Variants in ZNF423 observed in about 807,000 individuals in gnomAD.
The protein encoded by ZNF423 is Ebf-associated zinc finger protein.
A neutral mutation model predicts 95.8 loss-of-function variants in ZNF423; 12 were observed. The observed-to-expected ratio is 0.13, with a 90% confidence interval of 0.08 to 0.20. The LOEUF is 0.20. ZNF423 is among the 10% of genes least tolerant of loss of function. The pLI, the probability that ZNF423 is intolerant of heterozygous loss-of-function variation, is 1.00. For missense variants in ZNF423, 1,316 were observed against 1,737.1 expected (o/e 0.76, Z 4.31); for synonymous variants, 749 against 711.9 (o/e 1.05, Z -0.83).
In ZNF423 at chr16:49,707,625, A is replaced by AC. The variant is rs1466664485; in HGVS notation, c.301+23145_301+23146insG. Among the ~76,000 whole-genome samples, 5 of 151,726 alleles carry AC rather than the reference A, an allele frequency of 3.3e-5. No homozygotes were observed. In the South Asian group the frequency reaches 8.3e-4, roughly 25 times the overall value. ...GAGTGAGACTGTCTCAAAAAAAAAA[A>AC]AAAAAACAAAGAGCACTTTCCCTAC... On this transcript the variant is annotated intron_variant, in intron 3 of 7. Transcript: ENST00000563137.
At chr16:49,667,728 A>G (rs1325449089) in intron 3 of ZNF423, among the ~76,000 whole-genome samples, 1 of 152,166 alleles carries the variant, frequency 6.6e-6, no homozygotes. Flanking sequence ...CAAAAAATTA[A>G]AAAATAATTT....
intron 1 of ZNF423, chr16:49,854,091 T>C (rs768620620): frequency 2.0e-6 from 2 of 985,358 alleles, no homozygotes; most frequent in Non-Finnish European, 2.4e-6. Context: ...TCCACCCTTC[T>C]TTCCCGTCCT....
intron 3 of ZNF423, among the ~76,000 whole-genome samples, chr16:49,699,599 T>C (rs2032100189): frequency 6.6e-6 from 1 of 152,226 alleles, no homozygotes; most frequent in African/African-American, 2.4e-5. Flanking sequence ...AATCTAAGTT[T>C]GTCATGTCCT....
chr16:49,690,763 G>T (rs1015897688), intron 3 of ZNF423, among the ~76,000 whole-genome samples: 1 of 152,150 alleles, frequency 6.6e-6, no homozygotes, highest in Non-Finnish European at 1.5e-5. Flanking sequence ...CCCTATAGGG[G>T]CACACAGAGA....
At chr16:49,549,764 A>G (rs1969570764) in intron 5 of ZNF423, among the ~76,000 whole-genome samples, 1 of 152,216 alleles carries the variant, frequency 6.6e-6, no homozygotes, top group East Asian at 1.9e-4. Context: ...GAGATTATGT[A>G]ACTTGCTCAA....
At chr16:49,770,083 C>G (rs757219760) in intron 2 of ZNF423, among the ~76,000 whole-genome samples, 3 of 152,132 alleles carry the variant, frequency 2.0e-5, no homozygotes, top group Non-Finnish European at 2.9e-5. Flanking sequence ...TGCCATCTCC[C>G]CACAAGACTG....
chr16:49,782,961 TAAA>T (rs767807245), intron 2 of ZNF423, among the ~76,000 whole-genome samples: 6 of 117,008 alleles, frequency 5.1e-5, no homozygotes, highest in Admixed American at 8.9e-5. Flanking sequence ...CTGTCTCAAT[TAAA>T]AAAAAAAAAA....
At chr16:49,536,996 ATAT>A (rs1255997120) in intron 5 of ZNF423, among the ~76,000 whole-genome samples, 1 of 152,244 alleles carries the variant, frequency 6.6e-6, no homozygotes, top group Non-Finnish European at 1.5e-5. Flanking sequence ...TGAGTGTCAA[ATAT>A]TATGAAGAAC....
At chr16:49,667,398 AG>A (rs1325472132) in intron 3 of ZNF423, among the ~76,000 whole-genome samples, 1 of 152,228 alleles carries the variant, frequency 6.6e-6, no homozygotes, top group Non-Finnish European at 1.5e-5. Context: ...CCCCCGAGTG[AG>A]GAAGGGGAGA....
intron 3 of ZNF423, among the ~76,000 whole-genome samples, chr16:49,726,853 TAGCAA>T (rs2033028761): frequency 4.8e-5 from 1 of 20,848 alleles, no homozygotes; most frequent in Non-Finnish European, 8.6e-5. Context: ...GAGTTCCCCC[TAGCAA>T]AAAAAAAAAA....
In ZNF423 at chr16:49,822,811, G is replaced by A. The variant is rs111362834; in HGVS notation, c.40+32924C>T. On this transcript the variant is annotated intron_variant, in intron 1 of 7. Coordinates refer to ENST00000563137, the MANE Select transcript of ZNF423 (RefSeq NM_001379286.1). ...GCAATCTCCTGGTGAAATAACACTT[G>A]TATACCCATTTGACAGATGAGCAAA... The A allele has an allele frequency of 5.8e-6, 7 of 1,197,378 alleles. 1 individual carries two copies. In the African/African-American group the frequency reaches 9.3e-5, roughly 16 times the overall value. 74.2% of individuals were successfully genotyped at this position (1,197,378 alleles called of 1,614,324 possible).
intron 3 of ZNF423, among the ~76,000 whole-genome samples, chr16:49,672,710 C>T (rs530512421): frequency 7.2e-5 from 11 of 152,082 alleles, no homozygotes; most frequent in South Asian, 2.1e-4. Flanking sequence ...CAGCTACTCG[C>T]GAGGCTGAGG....
chr16:49,688,543 G>C (rs557359245), intron 3 of ZNF423, among the ~76,000 whole-genome samples: 1 of 152,314 alleles, frequency 6.6e-6, no homozygotes, highest in African/African-American at 2.4e-5. Flanking sequence ...ATGAGGCTTA[G>C]GTCTTCCTAA....
rs5816652 is a variant in ZNF423, at chr16:49,653,311, CAA to C, written c.302-14439_302-14438del. 4.0e-4 allele frequency among the ~76,000 whole-genome samples: 40 copies of C among 99,156 alleles called. 1 individual carries two copies. Among genetic ancestry groups the C allele is most frequent in the Middle Eastern group, 5.8e-3 (1 of 172 alleles). The allele number at this position is 99,156 out of a possible 152,430, so 65.1% of individuals were successfully genotyped here. ...ATCTCCTTCCCTCCCCAAGAACCAC[CAA>C]AAAAAAAAAAAAAAAAAAGAATTCA... On this transcript the variant is annotated intron_variant, in intron 3 of 7. Transcript: ENST00000563137.
At position 49,638,528 on chromosome 16, in the gene ZNF423, G is replaced by A; in HGVS notation, c.648C>T (p.His216=). The A allele has an allele frequency of 6.2e-7, 1 of 1,613,864 alleles. No individual in the cohort carries two copies. The highest frequency in any genetic ancestry group is 8.5e-7 in the Non-Finnish European group (1 of 1,180,030). ...TGTGGGTCTTCAGGTGGATCTTGAG[G>A]TGGTCGCTGCGGGAGAAGGCTGCCT... ...ECEAAFSRSD[H]LKIHLKTHSS... is the part of the protein sequence containing the mutation. Residue 216 remains histidine, a synonymous_variant, in exon 4 of 8, where the codon CAC becomes CAT. Coordinates refer to ENST00000563137, the MANE Select transcript of ZNF423 (RefSeq NM_001379286.1). The surrounding 1 kb of genome is among the most constrained non-coding windows in gnomAD (Gnocchi z 5.6).
At chr16:49,607,415 G>C (rs1413289544) in intron 5 of ZNF423, among the ~76,000 whole-genome samples, 1 of 152,130 alleles carries the variant, frequency 6.6e-6, no homozygotes, top group African/African-American at 2.4e-5. Context: ...CCAAAGCTAT[G>C]GGTTCTTTAC....
rs369662414 is a variant in ZNF423, at chr16:49,638,045, G to A, written c.1131C>T (p.Ser377=). The A allele has an allele frequency of 3.7e-4, 598 of 1,613,944 alleles. 4 individuals are homozygous for A. The South Asian group carries it at 5.9e-3, about 16-fold the overall frequency. Residue 377 remains serine (S), a synonymous_variant, in exon 4 of 8, where the codon AGC becomes AGT. Transcript: ENST00000563137. The surrounding 1 kb of genome is among the most constrained non-coding windows in gnomAD (Gnocchi z 5.6). ...CAGAGGCGCTGGAGTCGGGTGTGGC[G>A]CTGCTCATGGAGGCCACGCTGCCCA... ...PVLGSVASMS[S]ATPDSSASVE... is the part of the protein sequence containing the mutation.
At chr16:49,783,779 G>T (rs2034260596) in intron 2 of ZNF423, among the ~76,000 whole-genome samples, 1 of 151,938 alleles carries the variant, frequency 6.6e-6, no homozygotes, top group African/African-American at 2.4e-5. Flanking sequence ...AGATCATCCT[G>T]GCCAACATGG....
chr16:49,603,979 T>C lies in ZNF423; in HGVS notation c.3601+22191A>G, dbSNP rs746938166. ...AGAAATCTCCAAAGCCAAGCCCTGA[T>C]ACAGGGAGAAGCTTTTGATAGCAGG... On this transcript the variant is annotated intron_variant, in intron 5 of 7. Coordinates refer to ENST00000563137, the MANE Select transcript of ZNF423 (RefSeq NM_001379286.1). The surrounding 1 kb of genome is among the most constrained non-coding windows in gnomAD (Gnocchi z 4.1). 1.1e-4 allele frequency among the ~76,000 whole-genome samples: 17 copies of C among 152,270 alleles called. No homozygotes were observed. The highest frequency in any genetic ancestry group is 1.9e-4 in the Non-Finnish European group (13 of 68,014).
Sources: gnomAD v4.1 joint callset for allele counts (sites outside exome capture counted in the v4.1 genomes callset) on GRCh38, gnomAD v4.1.1 for gene constraint, Gnocchi (gnomAD v3.1) non-coding constraint, MANE v1.5 for transcripts, NCBI Gene and HGNC (gene_info 2026-07-23, HGNC 2026-07-21) for gene names.